Variants in C3orf20 observed in about 807,000 individuals in gnomAD.
The protein encoded by C3orf20 is uncharacterized protein C3orf20.
A neutral mutation model predicts 88.3 loss-of-function variants in C3orf20; 76 were observed. The observed-to-expected ratio is 0.86, with a 90% CI of 0.72 to 1.04. C3orf20 has a LOEUF of 1.04. Ranked by LOEUF, C3orf20 falls within the 50% of genes least tolerant of loss-of-function variation. The pLI is 0.00. For synonymous variants in C3orf20, 436 were observed against 437.4 expected (o/e 1.00, Z 0.04); for missense variants, 1,056 against 1,123.3 (o/e 0.94, Z 0.86).
rs549036882 is a variant in C3orf20 at position 14,761,225 on chromosome 3, C to G, written c.2353-248C>G. ...AGATATGGCTGAGCCAAACCCCTGA[C>G]CAGGCCCCCAGATCATAGGGCAACC... On this transcript the variant is annotated intron_variant, in intron 14 of 16. Coordinates refer to ENST00000253697, the MANE Select transcript of C3orf20 (RefSeq NM_032137.5). 1.4e-4 allele frequency among the ~76,000 whole-genome samples: 20 copies of G among 146,666 alleles called. No individual in the cohort carries two copies. The East Asian group carries it at 4.1e-3, about 30-fold the overall frequency.
chr3:14,675,539 T>TA (rs1389465558), intron 1 of C3orf20, among the ~76,000 whole-genome samples: 9 of 152,290 alleles, frequency 5.9e-5, no homozygotes, highest in African/African-American at 1.9e-4. Context: ...GATGTTCTGT[T>TA]ATGGTGTTTC....
chr3:14,734,465 T>C (rs1277067959), intron 12 of C3orf20, among the ~76,000 whole-genome samples: 2 of 152,186 alleles, frequency 1.3e-5, no homozygotes, highest in Non-Finnish European at 2.9e-5. Context: ...GTTGGATATT[T>C]AGAGTGTGTA....
intron 15 of C3orf20, among the ~76,000 whole-genome samples, chr3:14,762,653 G>A (rs1381429124): frequency 1.3e-5 from 2 of 152,192 alleles, no homozygotes; most frequent in African/African-American, 4.8e-5. Flanking sequence ...AAGTGTGTTC[G>A]TTAAAGAGCT....
intron 1 of C3orf20, among the ~76,000 whole-genome samples, chr3:14,676,897 C>T (rs988870442): frequency 1.3e-5 from 2 of 152,232 alleles, no homozygotes; most frequent in Non-Finnish European, 2.9e-5. Context: ...ATCCACTTCT[C>T]TCTAGCAGAG....
intron 10 of C3orf20, among the ~76,000 whole-genome samples, chr3:14,725,044 A>G (rs2034300028): frequency 6.6e-6 from 1 of 152,228 alleles, no homozygotes; most frequent in African/African-American, 2.4e-5. Flanking sequence ...TTGACTTGCC[A>G]AAAAAGTGTT....
At chr3:14,727,317 C>T (rs1049554309) in intron 11 of C3orf20, among the ~76,000 whole-genome samples, 2 of 152,202 alleles carry the variant, frequency 1.3e-5, no homozygotes, top group African/African-American at 4.8e-5. Flanking sequence ...CTGGGTTTCT[C>T]GGTAGCTGGC....
chr3:14,702,991 C>G (rs1378592955), intron 5 of C3orf20, 139 bp from the exon 6 acceptor site: 8 of 1,077,232 alleles, frequency 7.4e-6, no homozygotes, highest in Non-Finnish European at 1.1e-5. Context: ...CCATGCAAGT[C>G]TAAAATCCAG....
Position 14,700,249 on chromosome 3 carries a change from C to CTT in C3orf20, c.746-2875_746-2874dup, listed in dbSNP as rs34352873. On this transcript the variant is annotated intron_variant, in intron 5 of 16. Transcript: ENST00000253697. ...CTGGTTTTTGGTTATTTTGAAGACGCTTTTTTTGTGTAGGTAGTTGTTAAA... is the reference window on the plus strand; with the variant it reads ...CTGGTTTTTGGTTATTTTGAAGACGCTTTTTTTTTGTGTAGGTAGTTGTTAAA... Among the ~76,000 whole-genome samples, 39 of 151,956 alleles carry CTT rather than the reference C, an allele frequency of 2.6e-4. 1 individual carries two copies. Among genetic ancestry groups the CTT allele is most frequent in the Middle Eastern group, 3.4e-3 (1 of 294 alleles).
At chr3:14,739,069 G>T (rs2125006607) in intron 12 of C3orf20, among the ~76,000 whole-genome samples, 1 of 152,122 alleles carries the variant, frequency 6.6e-6, no homozygotes, top group Non-Finnish European at 1.5e-5. Context: ...GGAATTACAG[G>T]CATGAGCCAC....
intron 15 of C3orf20, among the ~76,000 whole-genome samples, chr3:14,764,754 G>A (rs1465018587): frequency 6.6e-6 from 1 of 152,122 alleles, no homozygotes; most frequent in Non-Finnish European, 1.5e-5. Flanking sequence ...ACAACATGGT[G>A]GCTGGGTTCC....
In C3orf20 at chr3:14,744,451, GTCT is replaced by G. The variant is rs572508711; in HGVS notation, c.1941-12913_1941-12911del. On this transcript the variant is annotated intron_variant, in intron 12 of 16. Transcript: ENST00000253697. ...GTTCCAAAATTTCCCACATTTTCCT[GTCT>G]TCTTCTGAGCCCTTCAAACTGTTCC... is the stretch of plus-strand genomic sequence containing the variant. Among the ~76,000 whole-genome samples, 852 of 152,010 alleles carry G rather than the reference GTCT, an allele frequency of 5.6e-3. 23 individuals are homozygous for G. The highest frequency in any genetic ancestry group is 0.019 in the African/African-American group (790 of 41,306).
intron 12 of C3orf20, among the ~76,000 whole-genome samples, chr3:14,750,066 A>G (rs2035177560): frequency 6.6e-6 from 1 of 151,958 alleles, no homozygotes; most frequent in Admixed American, 6.6e-5. Flanking sequence ...CTATGTAGTT[A>G]CCTTTATCAG....
At chr3:14,732,033 A>G (rs768466810) in intron 12 of C3orf20, among the ~76,000 whole-genome samples, 48 of 152,370 alleles carry the variant, frequency 3.2e-4, no homozygotes, top group Middle Eastern at 3.4e-3. Flanking sequence ...TGCCTGGTTT[A>G]TAGTAAATGC....
chr3:14,757,400 C>T lies in C3orf20; in HGVS notation c.1970C>T (p.Thr657Ile). ...RGKAREGRSP[T>I]RWAALPSDCP... ...AAGGCCCGCGAGGGGCGCAGCCCCA[C>T]CAGGTGGGCGGCCTTGCCCTCAGAC... Residue 657 changes from threonine to isoleucine, a missense_variant, in exon 13 of 17, where the codon ACC (threonine) becomes ATC (isoleucine). Transcript: ENST00000253697. The T allele has an allele frequency of 6.2e-7, 1 of 1,611,784 alleles. No homozygotes were observed. The highest frequency in any genetic ancestry group is 8.5e-7 in the Non-Finnish European group (1 of 1,179,794).
At chr3:14,739,891 C>T (rs1157140590) in intron 12 of C3orf20, among the ~76,000 whole-genome samples, 1 of 152,198 alleles carries the variant, frequency 6.6e-6, no homozygotes, top group African/African-American at 2.4e-5. Flanking sequence ...TCTCTCTCAG[C>T]CTTCACAGAA....
chr3:14,771,363 G>C (rs928421329), intron 15 of C3orf20, among the ~76,000 whole-genome samples: 2 of 152,244 alleles, frequency 1.3e-5, no homozygotes, highest in African/African-American at 4.8e-5. Context: ...GACCCAAACT[G>C]AGTGGCTGAA....
At position 14,726,936 on chromosome 3, in the gene C3orf20, G is replaced by T; in HGVS notation, c.1602G>T (p.Val534=). The T allele has an allele frequency of 1.2e-6, 2 of 1,614,130 alleles. No individual in the cohort carries two copies. Among genetic ancestry groups the T allele is most frequent in the Non-Finnish European group, 1.7e-6 (2 of 1,180,012 alleles). ...GAATCAGCAACATGGACGACAAGGT[G>T]TATAAGATGAGCCGAGCCCTGGCTG... is the stretch of plus-strand genomic sequence containing the variant. ...NRRISNMDDK[V]YKMSRALAEI... The change falls in exon 11 of 17, where the codon GTG becomes GTT. Residue 534 remains valine (V), a synonymous_variant. Transcript: ENST00000253697.
chr3:14,690,025 G>T lies in C3orf20; in HGVS notation c.654G>T (p.Gly218=). Residue 218 remains glycine, a synonymous_variant, in exon 5 of 17, where the codon GGG becomes GGT. Coordinates refer to ENST00000253697, the MANE Select transcript of C3orf20 (RefSeq NM_032137.5). ...KESLANMSAI[G]VNSPYQLIYH... is the part of the protein sequence containing the mutation. ...CCCTCGCAAACATGTCCGCCATTGG[G>T]GTGAACTCGCCTTACCAGCTGATCT... 1 of 1,614,112 alleles carries T rather than the reference G, an allele frequency of 6.2e-7. No individual in the cohort carries two copies. Among genetic ancestry groups the T allele is most frequent in the Non-Finnish European group, 8.5e-7 (1 of 1,180,000 alleles).
At chr3:14,763,534 A>G (rs1369816701) in intron 15 of C3orf20, among the ~76,000 whole-genome samples, 1 of 152,172 alleles carries the variant, frequency 6.6e-6, no homozygotes, top group Non-Finnish European at 1.5e-5. Context: ...ATTTCAGCAT[A>G]TCAATTTGGG....
Sources: gnomAD v4.1 joint callset for allele counts (sites outside exome capture counted in the v4.1 genomes callset) on GRCh38, gnomAD v4.1.1 for gene constraint, MANE v1.5 for transcripts, NCBI Gene and HGNC (gene_info 2026-07-23, HGNC 2026-07-21) for gene names.